Variants in ACSM3 observed in about 807,000 individuals in gnomAD.
ACSM3 encodes acyl-CoA synthetase medium chain family member 3, also known as acyl-coenzyme A synthetase ACSM3, mitochondrial.
A neutral mutation model predicts 74.1 loss-of-function variants in ACSM3; 61 were observed. The ratio of observed to expected loss-of-function variants is 0.82; its 90% CI spans 0.67 to 1.02. ACSM3 has a LOEUF of 1.02. ACSM3 is among the 50% of genes least tolerant of loss of function. The probability of loss-of-function intolerance (pLI) is 0.00; values close to 1 mark genes in which losing one functional copy is unlikely to be tolerated. For synonymous variants in ACSM3, 213 were observed against 241.5 expected (o/e 0.88, Z 1.09); for missense variants, 660 against 697.0 (o/e 0.95, Z 0.60).
Position 20,796,992 on chromosome 16 carries a change from A to G in ACSM3, c.*20A>G, listed in dbSNP as rs756648281. 3.1e-6 allele frequency: 5 copies of G among 1,608,692 alleles called. No homozygotes were observed. Among genetic ancestry groups the G allele is most frequent in the Admixed American group, 3.4e-5 (2 of 58,982 alleles). Reference sequence around the variant, plus strand: ...ATTTAAAGTTGTTTCATTAATTACCATATCTATAAAACAAACATAGTATCT... The same window carrying G: ...ATTTAAAGTTGTTTCATTAATTACCGTATCTATAAAACAAACATAGTATCT... On this transcript the variant is annotated 3_prime_UTR_variant, in exon 14 of 14. Coordinates refer to ENST00000289416, the MANE Select transcript of ACSM3 (RefSeq NM_005622.4).
chr16:20,741,481 G>A (rs925262496), intron 1 of ACSM3: 6 of 1,308,410 alleles, frequency 4.6e-6, no homozygotes, highest in South Asian at 1.8e-5. Context: ...CTGGCAGCCG[G>A]CCCGCCCGCC....
At chr16:20,739,128 T>C in intron 1 of ACSM3, 1 of 1,537,156 alleles carries the variant, frequency 6.5e-7, no homozygotes, top group South Asian at 1.2e-5. Context: ...TTAAACACTA[T>C]AAGTAATTAT....
intron 1 of ACSM3, among the ~76,000 whole-genome samples, chr16:20,767,535 A>AG (rs1450772176): frequency 6.4e-5 from 1 of 15,712 alleles, no homozygotes; most frequent in East Asian, 6.5e-4. Flanking sequence ...AAAAAAAAAA[A>AG]AAAAAAAAAA....
At chr16:20,742,188 G>T in intron 1 of ACSM3, 2 of 534,254 alleles carry the variant, frequency 3.7e-6, no homozygotes, top group Non-Finnish European at 2.9e-6. Flanking sequence ...GTAACAGGTT[G>T]CATGAGCCCC....
intron 1 of ACSM3, among the ~76,000 whole-genome samples, chr16:20,745,827 A>G (rs2152428456): frequency 6.6e-6 from 1 of 152,286 alleles, no homozygotes; most frequent in South Asian, 2.1e-4. Flanking sequence ...TGTTCAGTAC[A>G]GAACCCAGGT....
At chr16:20,793,532 G>A (rs1414862773) in intron 12 of ACSM3, among the ~76,000 whole-genome samples, 1 of 152,172 alleles carries the variant, frequency 6.6e-6, no homozygotes, top group Non-Finnish European at 1.5e-5. Flanking sequence ...TGTTACAGTG[G>A]AGGGTGGATC....
Position 20,789,662 on chromosome 16 carries a change from A to T in ACSM3, c.1225-925A>T. Reference sequence around the variant, plus strand: ...TAAAAGCAGGTTGGCAAAACTGTATATTATAAAGCAACTCTATTTTTCTTT... The same window carrying T: ...TAAAAGCAGGTTGGCAAAACTGTATTTTATAAAGCAACTCTATTTTTCTTT... On this transcript the variant is annotated intron_variant, in intron 9 of 13. Coordinates refer to ENST00000289416, the MANE Select transcript of ACSM3 (RefSeq NM_005622.4). The T allele has an allele frequency of 5.8e-6, 4 of 683,994 alleles. No homozygotes were observed. The Admixed American group carries it at 7.8e-5, about 13-fold the overall frequency. 42.4% of individuals were successfully genotyped at this position (683,994 alleles called of 1,614,324 possible).
At chr16:20,704,308 T>A (rs1394024107) in intron 1 of ACSM3, among the ~76,000 whole-genome samples, 1 of 152,226 alleles carries the variant, frequency 6.6e-6, no homozygotes, top group African/African-American at 2.4e-5. Flanking sequence ...TTTTTACTAA[T>A]GAGAATATTG....
chr16:20,685,637 T>G (rs1305120423), intron 1 of ACSM3, among the ~76,000 whole-genome samples: 1 of 151,738 alleles, frequency 6.6e-6, no homozygotes, highest in Non-Finnish European at 1.5e-5. Context: ...CTGACCAACA[T>G]GGTGAAACCC....
chr16:20,740,644 A>G (rs909325888), intron 1 of ACSM3, among the ~76,000 whole-genome samples: 1 of 152,172 alleles, frequency 6.6e-6, no homozygotes, highest in Non-Finnish European at 1.5e-5. Flanking sequence ...CGAGTCCCCA[A>G]GCTAGTAGAG....
At chr16:20,765,150 G>T (rs1385026074) in intron 1 of ACSM3, among the ~76,000 whole-genome samples, 1 of 152,132 alleles carries the variant, frequency 6.6e-6, no homozygotes, top group Non-Finnish European at 1.5e-5. Context: ...ATCTGACCAG[G>T]GGTGGTACTG....
chr16:20,769,072 A>C (rs1330377400), intron 1 of ACSM3, among the ~76,000 whole-genome samples: 1 of 152,236 alleles, frequency 6.6e-6, no homozygotes, highest in Non-Finnish European at 1.5e-5. Flanking sequence ...ATCAATACAG[A>C]AATGCTTCCA....
intron 1 of ACSM3, among the ~76,000 whole-genome samples, chr16:20,710,225 G>T (rs2079739997): frequency 6.6e-6 from 1 of 152,118 alleles, no homozygotes. Context: ...AGAGTGGAGG[G>T]CTGGCTCTGC....
Position 20,747,231 on chromosome 16 carries a change from A to C in ACSM3, c.-189-2679A>C, listed in dbSNP as rs78864157. On this transcript the variant is annotated intron_variant, in intron 1 of 3. Transcript: ENST00000561584. ...CTGCCATCCCAGAGCAGGGATGAGA[A>C]AAACAAGTTTTTCTTCTCTTTCAGC... is the stretch of plus-strand genomic sequence containing the variant. Among the ~76,000 whole-genome samples the C allele has an allele frequency of 6.6e-3, 1,011 of 152,256 alleles. 18 individuals carry two copies. The highest frequency in any genetic ancestry group is 0.023 in the African/African-American group (951 of 41,550).
intron 1 of ACSM3, among the ~76,000 whole-genome samples, chr16:20,698,286 G>A (rs2079701488): frequency 6.6e-6 from 1 of 151,834 alleles, no homozygotes; most frequent in Admixed American, 6.6e-5. Context: ...ATCCAATGGT[G>A]CATTTTCACT....
In ACSM3 at chr16:20,793,470, A is replaced by AAAAAATAAAAAT. The variant is rs56924318; in HGVS notation, c.1554+1147_1554+1158dup. ...GCTAACAGAACAAGACTCCGCCTCAAAAAAATAAAAATAAAAATAAAAAAG... is the reference window on the plus strand; with the variant it reads ...GCTAACAGAACAAGACTCCGCCTCAAAAAAATAAAAATAAAAATAAAAATAAAAATAAAAAAG... On this transcript the variant is annotated intron_variant, in intron 12 of 13. Transcript: ENST00000289416. Among the ~76,000 whole-genome samples, 772 of 151,660 alleles carry AAAAAATAAAAAT rather than the reference A, an allele frequency of 5.1e-3. 4 individuals carry two copies. Among genetic ancestry groups the AAAAAATAAAAAT allele is most frequent in the African/African-American group, 0.017 (721 of 41,362 alleles).
At chr16:20,727,740 C>T (rs987932419) in intron 1 of ACSM3, among the ~76,000 whole-genome samples, 1 of 152,196 alleles carries the variant, frequency 6.6e-6, no homozygotes, top group Non-Finnish European at 1.5e-5. Context: ...AACTGAGCAG[C>T]TCATCTCTCC....
In ACSM3 at chr16:20,792,142, T is replaced by G; in HGVS notation, c.1454+13T>G. On this transcript the variant is annotated intron_variant, in intron 11 of 13. Transcript: ENST00000289416. ...TATTATCCTCTGGGTAACTTTCTTT[T>G]CCATATGTGCATATGTCTGTGTTAA... The G allele has an allele frequency of 6.2e-7, 1 of 1,614,096 alleles. No homozygotes were observed. Among genetic ancestry groups the G allele is most frequent in the Non-Finnish European group, 8.5e-7 (1 of 1,179,978 alleles).
intron 2 of ACSM3, among the ~76,000 whole-genome samples, chr16:20,774,324 C>G (rs2080229258): frequency 6.6e-6 from 1 of 151,214 alleles, no homozygotes; most frequent in Admixed American, 6.6e-5. Context: ...TCACTGCAAC[C>G]TCCGCCTCCC....
Sources: allele counts gnomAD v4.1 joint callset (sites outside exome capture counted in the v4.1 genomes callset), GRCh38; gene constraint gnomAD v4.1.1; transcripts MANE v1.5; gene names NCBI Gene and HGNC (gene_info 2026-07-23, HGNC 2026-07-21).